The following PDIA5 variants were observed in gnomAD, a reference collection of about 807,000 sequenced individuals.
PDIA5 encodes the protein protein disulfide-isomerase A5.
A neutral mutation model predicts 77.6 loss-of-function variants in PDIA5; 58 were observed. The ratio of observed to expected loss-of-function variants is 0.75; its 90% CI spans 0.61 to 0.93. PDIA5 has a LOEUF of 0.93. PDIA5 is among the 40% of genes least tolerant of loss of function. The pLI, the probability that PDIA5 is intolerant of heterozygous loss-of-function variation, is 0.00. For missense variants in PDIA5, 630 were observed against 647.7 expected (o/e 0.97, Z 0.30); for synonymous variants, 250 against 252.1 (o/e 0.99, Z 0.08).
At chr3:123,100,952 G>A (rs555134183) in intron 3 of PDIA5, among the ~76,000 whole-genome samples, 3 of 152,220 alleles carry the variant, frequency 2.0e-5, no homozygotes, top group Non-Finnish European at 4.4e-5. Context: ...CTCCAGTTGT[G>A]TAGTCAGTGG....
chr3:123,117,498 T>C (rs56090923), intron 8 of PDIA5, among the ~76,000 whole-genome samples: 2,235 of 150,750 alleles, frequency 0.015, 56 homozygotes, highest in African/African-American at 0.049. Flanking sequence ...TAGCTGGGAC[T>C]TCAGATGTAT....
At chr3:123,135,447 C>G (rs577531014) in intron 11 of PDIA5, among the ~76,000 whole-genome samples, 22 of 152,132 alleles carry the variant, frequency 1.4e-4, no homozygotes, top group Non-Finnish European at 2.6e-4. Flanking sequence ...CCTTGCCTAC[C>G]CCCTGACTCA....
At chr3:123,158,522 G>A (rs1936072919) in intron 15 of PDIA5, among the ~76,000 whole-genome samples, 1 of 152,196 alleles carries the variant, frequency 6.6e-6, no homozygotes, top group Admixed American at 6.5e-5. Context: ...CAGATGACTG[G>A]ATGAGTCACC....
chr3:123,100,791 G>C (rs1325736676), intron 3 of PDIA5, among the ~76,000 whole-genome samples: 7 of 152,248 alleles, frequency 4.6e-5, no homozygotes, highest in African/African-American at 1.7e-4. Flanking sequence ...TGAGCTGAGT[G>C]GTTTAATTAG....
intron 8 of PDIA5, among the ~76,000 whole-genome samples, chr3:123,117,399 T>TATATATATATATATATATATATATA (rs60353329): frequency 6.5e-4 from 88 of 135,290 alleles, no homozygotes; most frequent in African/African-American, 1.3e-3. Context: ...TATATATATA[T>TATATATATATATATATATATATATA]TCTGTTTTAG....
At chr3:123,120,611 G>A (rs528034865) in intron 8 of PDIA5, among the ~76,000 whole-genome samples, 4 of 152,236 alleles carry the variant, frequency 2.6e-5, no homozygotes, top group Admixed American at 6.5e-5. Context: ...TCAACAAAAC[G>A]TAGCTCCATG....
intron 14 of PDIA5, among the ~76,000 whole-genome samples, chr3:123,153,963 C>T (rs1462254629): frequency 6.6e-6 from 1 of 152,166 alleles, no homozygotes; most frequent in Non-Finnish European, 1.5e-5. Flanking sequence ...CTCAGGGAAA[C>T]CCTCCCCTCA....
intron 8 of PDIA5, 69 bp downstream of exon 8, chr3:123,116,367 G>T: frequency 8.9e-7 from 1 of 1,119,346 alleles, no homozygotes; most frequent in Non-Finnish European, 1.3e-6. Flanking sequence ...GGTGCCAGGG[G>T]TGGGGTGGGG....
intron 3 of PDIA5, among the ~76,000 whole-genome samples, chr3:123,100,658 C>T (rs960035631): frequency 2.0e-5 from 3 of 152,322 alleles, no homozygotes; most frequent in African/African-American, 7.2e-5. Flanking sequence ...AGACACTCCT[C>T]CTCTCTGACC....
intron 1 of PDIA5, among the ~76,000 whole-genome samples, chr3:123,074,102 A>G (rs1933790730): frequency 6.6e-6 from 1 of 152,218 alleles, no homozygotes. Context: ...GTGGACCAAC[A>G]TCAGCATCCT....
At chr3:123,120,156 C>A (rs1001297475) in intron 8 of PDIA5, among the ~76,000 whole-genome samples, 2 of 152,202 alleles carry the variant, frequency 1.3e-5, no homozygotes, top group African/African-American at 4.8e-5. Flanking sequence ...AGCCTTTGAG[C>A]TTTGCCTAGT....
chr3:123,114,279 G>A (rs533643790), intron 7 of PDIA5, among the ~76,000 whole-genome samples: 4 of 152,342 alleles, frequency 2.6e-5, no homozygotes, highest in South Asian at 4.1e-4. Flanking sequence ...AAGGCTGCAG[G>A]TGTCCCCCCT....
rs143043425 is a variant in PDIA5, at chr3:123,161,429, G to T, written c.1453G>T (p.Ala485Ser). 298 of 1,613,978 alleles carry T rather than the reference G, an allele frequency of 1.8e-4. No individual in the cohort carries two copies. The highest frequency in any genetic ancestry group is 4.9e-4 in the Middle Eastern group (3 of 6,084). ...CCACTACTACCACTATGGGAAGTTC[G>T]CAGAAAAGTATGACAGCGACCGCAC... The part of the protein sequence containing the change: ...TFHYYHYGKF[A>S]EKYDSDRTEL... The change falls in exon 16 of 17, where the codon GCA (alanine) becomes TCA (serine). Residue 485 changes from alanine (A) to serine (S), a missense_variant. Transcript: ENST00000316218.
At chr3:123,109,952 A>T (rs1934823718) in intron 6 of PDIA5, among the ~76,000 whole-genome samples, 1 of 152,168 alleles carries the variant, frequency 6.6e-6, no homozygotes, top group South Asian at 2.1e-4. Context: ...TCATTTATTT[A>T]CCTAATGCCT....
chr3:123,142,829 C>A (rs757801847), intron 11 of PDIA5, among the ~76,000 whole-genome samples: 1 of 152,248 alleles, frequency 6.6e-6, no homozygotes, highest in Admixed American at 6.5e-5. Flanking sequence ...ATGGGGACGT[C>A]CTCATTTCTC....
intron 11 of PDIA5, among the ~76,000 whole-genome samples, chr3:123,140,653 GA>G (rs1430736353): frequency 6.6e-6 from 1 of 152,140 alleles, no homozygotes; most frequent in Non-Finnish European, 1.5e-5. Flanking sequence ...GGCCCTGGGG[GA>G]TTTGTCACTT....
chr3:123,069,035 A>C (rs1386399234), intron 1 of PDIA5, among the ~76,000 whole-genome samples: 1 of 152,242 alleles, frequency 6.6e-6, no homozygotes, highest in East Asian at 1.9e-4. Context: ...AAGCACTAGA[A>C]CCTGGGAGTC....
chr3:123,108,305 G>A (rs1371619526), intron 6 of PDIA5, among the ~76,000 whole-genome samples: 4 of 144,332 alleles, frequency 2.8e-5, no homozygotes, highest in African/African-American at 1.0e-4. Context: ...TTTTGAGACA[G>A]AGTCTTACTT....
rs749249190 is a variant in PDIA5, at chr3:123,146,148, C to A, written c.1031C>A (p.Ala344Glu). The A allele has an allele frequency of 1.2e-6, 2 of 1,614,122 alleles. No homozygotes were observed. The highest frequency in any genetic ancestry group is 3.3e-5 in the Admixed American group (2 of 60,018). The change falls in exon 13 of 17, where the codon GCA becomes GAA. Residue 344 changes from alanine to glutamate, a missense_variant. Coordinates refer to ENST00000316218, the MANE Select transcript of PDIA5 (RefSeq NM_006810.4). ...GATGCCACTGTCAACAAGGCCCTGG[C>A]AGAAAGATTCCACATCTCAGAGTTT... is the stretch of plus-strand genomic sequence containing the variant. ...AVDATVNKAL[A>E]ERFHISEFPT...
Sources: gnomAD v4.1 joint callset for allele counts (sites outside exome capture counted in the v4.1 genomes callset) on GRCh38, gnomAD v4.1.1 for gene constraint, MANE v1.5 for transcripts, NCBI Gene and HGNC (gene_info 2026-07-23, HGNC 2026-07-21) for gene names.